Variants in TMCO1 observed in about 807,000 individuals in gnomAD.
TMCO1 encodes transmembrane and coiled-coil domains 1.
In TMCO1, 29 loss-of-function variants were observed where a neutral mutation model predicts 29.3. The ratio of observed to expected loss-of-function variants is 0.99; its 90% CI spans 0.74 to 1.35. The LOEUF (loss-of-function observed/expected upper bound fraction) is 1.35, where lower values mean the gene tolerates loss of function less well. Among genes scored for constraint, TMCO1 ranks in the 40% most tolerant of loss-of-function variants. The pLI, the probability that TMCO1 is intolerant of heterozygous loss-of-function variation, is 0.00. For missense variants in TMCO1, 173 were observed against 225.5 expected (o/e 0.77, Z 1.49); for synonymous variants, 80 against 77.1 (o/e 1.04, Z -0.20).
intron 3 of TMCO1, among the ~76,000 whole-genome samples, 193 bp from the exon 4 acceptor site, chr1:165,754,467 A>G (rs1267372162): frequency 6.6e-6 from 1 of 152,240 alleles, no homozygotes; most frequent in East Asian, 1.9e-4. Context: ...AAATATTTCA[A>G]TTTAAATAAA....
chr1:165,754,403 A>T, intron 3 of TMCO1, 129 bp from the exon 4 acceptor site: 1 of 724,718 alleles, frequency 1.4e-6, no homozygotes, highest in South Asian at 1.6e-5. Context: ...TGATGAAAAC[A>T]CCTGGGATAG....
At chr1:165,736,189 G>T (rs1651372126) in intron 6 of TMCO1, among the ~76,000 whole-genome samples, 1 of 152,182 alleles carries the variant, frequency 6.6e-6, no homozygotes, top group Admixed American at 6.5e-5. Flanking sequence ...CCTTGATTTT[G>T]GACTTCTCAG....
intron 6 of TMCO1, 96 bp from the exon 7 acceptor site, chr1:165,728,217 T>C: frequency 3.3e-6 from 3 of 913,602 alleles, no homozygotes; most frequent in Non-Finnish European, 5.2e-6. Flanking sequence ...CATACTCATA[T>C]AGATTAAAGG....
intron 3 of TMCO1, among the ~76,000 whole-genome samples, chr1:165,759,299 C>A (rs899504314): frequency 6.6e-6 from 1 of 152,178 alleles, no homozygotes; most frequent in Admixed American, 6.5e-5. Context: ...TTTTACAAAA[C>A]TCAAATTCCA....
chr1:165,745,589 G>A (rs1268067092), intron 5 of TMCO1, among the ~76,000 whole-genome samples: 1 of 151,972 alleles, frequency 6.6e-6, no homozygotes, highest in African/African-American at 2.4e-5. Flanking sequence ...TGAGGCTGCA[G>A]TGAATAGTGA....
chr1:165,765,108 C>G (rs1465258598), intron 2 of TMCO1, among the ~76,000 whole-genome samples: 1 of 152,130 alleles, frequency 6.6e-6, no homozygotes, highest in African/African-American at 2.4e-5. Context: ...TAAACAACAA[C>G]AAAGAACCGT....
chr1:165,740,185 GT>G (rs34972514), intron 6 of TMCO1, among the ~76,000 whole-genome samples: 134,125 of 151,986 alleles, frequency 0.88, 59,279 homozygotes, highest in East Asian at 0.99. Flanking sequence ...TATACATCGT[GT>G]GTTTTTATGT....
intron 2 of TMCO1, among the ~76,000 whole-genome samples, chr1:165,764,026 G>A (rs535947542): frequency 1.3e-5 from 2 of 152,334 alleles, no homozygotes; most frequent in African/African-American, 4.8e-5. Context: ...GTAGATACCA[G>A]TGAAGCTCAA....
intron 2 of TMCO1, among the ~76,000 whole-genome samples, chr1:165,765,230 G>A (rs1353237732): frequency 6.6e-6 from 1 of 152,184 alleles, no homozygotes; most frequent in Non-Finnish European, 1.5e-5. Flanking sequence ...AGAAAAAATA[G>A]AACAGGGTAA....
intron 5 of TMCO1, among the ~76,000 whole-genome samples, chr1:165,747,019 G>A (rs1039030207): frequency 1.3e-5 from 2 of 152,100 alleles, no homozygotes; most frequent in African/African-American, 2.4e-5. Flanking sequence ...CCAGCATTTT[G>A]GGAGGCTGAG....
intron 4 of TMCO1, among the ~76,000 whole-genome samples, chr1:165,752,422 A>AT (rs770036004): frequency 2.7e-5 from 4 of 150,494 alleles, no homozygotes; most frequent in African/African-American, 4.9e-5. Flanking sequence ...CGCTTGGCTG[A>AT]TTTTTTGTAT....
At chr1:165,728,417 C>T (rs954322906) in intron 6 of TMCO1, among the ~76,000 whole-genome samples, 7 of 152,020 alleles carry the variant, frequency 4.6e-5, no homozygotes, top group South Asian at 2.1e-4. Flanking sequence ...CCACCACACC[C>T]GGCTAATTTT....
In TMCO1 at chr1:165,752,530, C is replaced by A. The variant is rs534989735; in HGVS notation, c.256-361G>T. Among the ~76,000 whole-genome samples the A allele has an allele frequency of 3.4e-3, 523 of 152,006 alleles. 5 individuals carry two copies. The highest frequency in any genetic ancestry group is 0.012 in the African/African-American group (494 of 41,480). ...TCGGCCTCCCAAAGTGCTGGGATTA[C>A]AGGCGTGAGCCATTGCGCCCAGCCT... On this transcript the variant is annotated intron_variant, in intron 4 of 6. Transcript: ENST00000367881.
Position 165,744,144 on chromosome 1 carries a change from T to G in TMCO1, c.324-833A>C, listed in dbSNP as rs557383675. ...AAGTCCTACAGGAATAGAAGCTTGT[T>G]ATAAGGAACAGAAATTGGTGTCTAG... On this transcript the variant is annotated intron_variant, in intron 5 of 6. Transcript: ENST00000367881. Among the ~76,000 whole-genome samples, 19 of 152,172 alleles carry G rather than the reference T, an allele frequency of 1.2e-4. No individual in the cohort carries two copies. The East Asian group carries it at 3.7e-3, about 29-fold the overall frequency.
Position 165,768,741 on chromosome 1 carries a change from A to G in TMCO1, c.11T>C (p.Met4Thr). ...AACGATGAGGAGAGTGTCCGCGAAC[A>G]TAGTGCTCATCTCGCACCTTCGTCT... is the stretch of plus-strand genomic sequence containing the variant. MSTMFADTLLIVFI... is the reference protein window; with the variant it reads MSTTFADTLLIVFI... Residue 4 changes from methionine to threonine, a missense_variant, in exon 1 of 7, where the codon ATG (methionine) becomes ACG (threonine). Physicochemically the swap from Met to Thr is moderately conservative, Grantham distance 81 (BLOSUM62 -1). Coordinates refer to ENST00000367881, the MANE Select transcript of TMCO1 (RefSeq NM_019026.6). 1 of 1,614,150 alleles carries G rather than the reference A, an allele frequency of 6.2e-7. No individual in the cohort carries two copies. The highest frequency in any genetic ancestry group is 8.5e-7 in the Non-Finnish European group (1 of 1,180,014).
At chr1:165,725,911 T>G, downstream of TMCO1, 1 of 617,172 alleles carries the variant, frequency 1.6e-6, no homozygotes, top group Non-Finnish European at 3.0e-6. Flanking sequence ...GGTGAATAGA[T>G]GTAATCTCTC....
At position 165,754,234 on chromosome 1, in the gene TMCO1, T is replaced by C. The variant is rs1443517739; in HGVS notation, c.249A>G (p.Leu83=). 5 of 1,610,632 alleles carry C rather than the reference T, an allele frequency of 3.1e-6. No individual in the cohort carries two copies. Among genetic ancestry groups the C allele is most frequent in the East Asian group, 2.2e-5 (1 of 44,782 alleles). The change falls in exon 4 of 7, where the codon CTA becomes CTG. Residue 83 remains leucine, a synonymous_variant. Coordinates refer to ENST00000367881, the MANE Select transcript of TMCO1 (RefSeq NM_019026.6). The part of the protein sequence containing the change: ...EEKLKNNNRD[L]SMVRMKSMFA... ...TTATAGTTAGGTCTCTTACCATTGA[T>C]AGATCTCTGTTGTTATTCTTCAGTT...
rs113272326 is a variant in TMCO1 at position 165,751,956 on chromosome 1, T to C, written c.323+146A>G. 20 of 668,292 alleles carry C rather than the reference T, an allele frequency of 3.0e-5. No individual in the cohort carries two copies. The African/African-American group carries it at 3.5e-4, about 12-fold the overall frequency. 41.4% of individuals were successfully genotyped at this position (668,292 alleles called of 1,614,324 possible). On this transcript the variant is annotated intron_variant, in intron 5 of 6. Coordinates refer to ENST00000367881, the MANE Select transcript of TMCO1 (RefSeq NM_019026.6). ...AGCAAAACATTAACAACTGTGAATG[T>C]AGGTAATGGATATACTATTCTTGCA...
intron 5 of TMCO1, among the ~76,000 whole-genome samples, chr1:165,744,790 C>CAA (rs558392976): frequency 4.1e-3 from 425 of 103,796 alleles, no homozygotes; most frequent in African/African-American, 9.3e-3. Flanking sequence ...AACTCCATCT[C>CAA]AAAAAAAAAA....
Sources: gnomAD v4.1 joint callset for allele counts (sites outside exome capture counted in the v4.1 genomes callset) on GRCh38, gnomAD v4.1.1 for gene constraint, MANE v1.5 for transcripts, NCBI Gene and HGNC (gene_info 2026-07-23, HGNC 2026-07-21) for gene names.